Variants in RTTN observed in about 807,000 individuals in gnomAD.
The protein encoded by RTTN is rotatin.
RTTN carries 182 observed loss-of-function variants against 269.2 expected under a neutral mutation model. The observed-to-expected ratio is 0.68, with a 90% CI of 0.60 to 0.76. The LOEUF is 0.76. Among genes scored for constraint, RTTN ranks in the 30% least tolerant of loss-of-function variants. The pLI, the probability that RTTN is intolerant of heterozygous loss-of-function variation, is 0.00. For missense variants in RTTN, 2,545 were observed against 2,608.6 expected, an observed-to-expected ratio of 0.98 and a Z score of 0.53; for synonymous variants, 1,006 against 963.5, an observed-to-expected ratio of 1.04 and a Z score of -0.82.
At chr18:70,065,291 A>G (rs2058102187) in intron 35 of RTTN, among the ~76,000 whole-genome samples, 1 of 142,664 alleles carries the variant, frequency 7.0e-6, no homozygotes, top group Non-Finnish European at 1.6e-5. Flanking sequence ...AAAAAAAGCA[A>G]AGTTGCAAAT....
Position 70,196,510 on chromosome 18 carries a change from T to G in RTTN, c.832A>C (p.Asn278His). 3 of 1,609,710 alleles carry G rather than the reference T, an allele frequency of 1.9e-6. No individual in the cohort carries two copies. Among genetic ancestry groups the G allele is most frequent in the Non-Finnish European group, 2.5e-6 (3 of 1,178,920 alleles). Reference sequence around the variant, plus strand: ...AGATAAAAATAAATACCGTGTTTATTGGAGAAAAAACCTGGATCTCGGTGA... The same window carrying G: ...AGATAAAAATAAATACCGTGTTTATGGGAGAAAAAACCTGGATCTCGGTGA... ...NFHRDPGFFS[N>H]KHDTVSQNSS... The change falls in exon 7 of 49, where the codon AAT becomes CAT. Residue 278 changes from asparagine (N) to histidine (H), a missense_variant. Asn to His is a moderately conservative substitution (Grantham distance 68, BLOSUM62 1). Transcript: ENST00000640769.
At chr18:70,179,924 T>C (rs1054076938) in intron 10 of RTTN, among the ~76,000 whole-genome samples, 9 of 152,092 alleles carry the variant, frequency 5.9e-5, no homozygotes, top group African/African-American at 2.2e-4. Flanking sequence ...AAGGCAGGAC[T>C]ACTCAGCATC....
chr18:70,005,495 ATT>A (rs2056156633), intron 47 of RTTN: 1 of 375,200 alleles, frequency 2.7e-6, no homozygotes, highest in Non-Finnish European at 4.7e-6. Flanking sequence ...CTCTATTCCC[ATT>A]TTCTTTCTTC....
chr18:70,127,383 T>A, intron 25 of RTTN, 119 bp downstream of exon 25: 2 of 1,199,594 alleles, frequency 1.7e-6, no homozygotes, highest in South Asian at 4.9e-5. Flanking sequence ...AATCCTGGAG[T>A]TTTTCTTTCT....
At chr18:70,112,219 C>T (rs2059486681) in intron 27 of RTTN, among the ~76,000 whole-genome samples, 1 of 152,154 alleles carries the variant, frequency 6.6e-6, no homozygotes, top group Non-Finnish European at 1.5e-5. Flanking sequence ...TTGTAAAGAA[C>T]ATCGACGCTA....
At chr18:70,135,035 T>G (rs2060090570) in intron 22 of RTTN, 149 bp downstream of exon 22, 1 of 467,880 alleles carries the variant, frequency 2.1e-6, no homozygotes, top group Non-Finnish European at 3.8e-6. Flanking sequence ...TGAATACTGT[T>G]TATTCAAATC....
At position 70,175,372 on chromosome 18, in the gene RTTN, C is replaced by T. The variant is rs146431947; in HGVS notation, c.1476+1303G>A. ...TTTGTGAAAGACACCTAAAGCAACA[C>T]GTTAATTAAAAAAACAACTTTCAAA... On this transcript the variant is annotated intron_variant, in intron 11 of 48. Transcript: ENST00000640769. 4.5e-3 allele frequency among the ~76,000 whole-genome samples: 690 copies of T among 151,862 alleles called. 4 individuals carry two copies. The highest frequency in any genetic ancestry group is 0.016 in the African/African-American group (657 of 41,410).
chr18:70,163,150 G>A (rs1271985687), intron 14 of RTTN, among the ~76,000 whole-genome samples: 2 of 145,410 alleles, frequency 1.4e-5, no homozygotes, highest in Non-Finnish European at 3.0e-5. Context: ...TTGGGAGGCC[G>A]AGGTGGGTGG....
At chr18:70,036,581 A>T (rs1247168577) in intron 40 of RTTN, among the ~76,000 whole-genome samples, 2 of 152,144 alleles carry the variant, frequency 1.3e-5, no homozygotes, top group African/African-American at 2.4e-5. Context: ...ATCAGAAAAA[A>T]TAACTATTGG....
At chr18:70,043,723 C>T (rs978204469) in intron 40 of RTTN, among the ~76,000 whole-genome samples, 8 of 152,160 alleles carry the variant, frequency 5.3e-5, no homozygotes, top group African/African-American at 1.9e-4. Flanking sequence ...CAAAACCAAA[C>T]AGACAAAAAG....
At chr18:70,057,568 C>T (rs752186496) in intron 37 of RTTN, among the ~76,000 whole-genome samples, 174 bp downstream of exon 37, 1 of 152,232 alleles carries the variant, frequency 6.6e-6, no homozygotes, top group South Asian at 2.1e-4. Flanking sequence ...TCTTTTCTAA[C>T]ATCCAGACAT....
At position 70,077,861 on chromosome 18, in the gene RTTN, T is replaced by C. The variant is rs2058468147; in HGVS notation, c.4375-2320A>G. 2.0e-5 allele frequency among the ~76,000 whole-genome samples: 3 copies of C among 151,784 alleles called. 1 individual carries two copies. In the South Asian group the frequency reaches 6.2e-4, roughly 31 times the overall value. ...TAATTTAGCTTATGAACAAAAAATT[T>C]AATATCATAGAAAATAGTGCAAAAA... On this transcript the variant is annotated intron_variant, in intron 32 of 48. Coordinates refer to ENST00000640769, the MANE Select transcript of RTTN (RefSeq NM_173630.4).
At chr18:70,123,536 C>G (rs1370417515) in intron 25 of RTTN, among the ~76,000 whole-genome samples, 2 of 152,070 alleles carry the variant, frequency 1.3e-5, no homozygotes, top group Non-Finnish European at 2.9e-5. Flanking sequence ...TACTCTACTT[C>G]TTTGAATTCG....
chr18:70,165,998 G>T (rs962937288), intron 14 of RTTN, 64 bp downstream of exon 14: 10 of 1,515,480 alleles, frequency 6.6e-6, no homozygotes, highest in East Asian at 2.3e-5. Context: ...TAAGTTTGAA[G>T]GTATAACAAG....
Position 70,030,940 on chromosome 18 carries a change from T to A in RTTN, c.5583A>T (p.Val1861=), listed in dbSNP as rs181821833. 27 of 1,613,738 alleles carry A rather than the reference T, an allele frequency of 1.7e-5. No homozygotes were observed. In the African/African-American group the frequency reaches 3.3e-4, roughly 20 times the overall value. The change falls in exon 41 of 49, where the codon GTA becomes GTT. Residue 1861 remains valine (V), a synonymous_variant. Coordinates refer to ENST00000640769, the MANE Select transcript of RTTN (RefSeq NM_173630.4). ...GCAGTGACATCAATGCATTTGCAGC[T>A]ACTCTTTTCAGGATATCTTTGGAGG... ...GKSSKDILKR[V]AANALMSLLA... is the part of the protein sequence containing the mutation.
Position 70,086,691 on chromosome 18 carries a change from A to T in RTTN, c.4303-7T>A. On this transcript the variant is annotated splice_region_variant and splice_polypyrimidine_tract_variant and intron_variant, in intron 31 of 48. Transcript: ENST00000640769. ...TCTGAAGAATAAATGCCGCCTGAAA[A>T]TGTAAAAAAAAAAAAAAAAAAAAAA... 8.3e-7 allele frequency: 1 copy of T among 1,212,082 alleles called. No homozygotes were observed. The highest frequency in any genetic ancestry group is 1.1e-6 in the Non-Finnish European group (1 of 874,488). 75.1% of individuals were successfully genotyped at this position (1,212,082 alleles called of 1,614,324 possible).
chr18:70,104,692 T>G (rs1431652445), intron 28 of RTTN, among the ~76,000 whole-genome samples: 1 of 152,234 alleles, frequency 6.6e-6, no homozygotes, highest in Non-Finnish European at 1.5e-5. Context: ...ATGTCCTTTC[T>G]GTTTGTTAGT....
chr18:70,097,155 A>G (rs1177331543), intron 28 of RTTN, among the ~76,000 whole-genome samples: 1 of 152,212 alleles, frequency 6.6e-6, no homozygotes, highest in East Asian at 1.9e-4. Flanking sequence ...TTTAATTATC[A>G]TAGTTTATTC....
At chr18:70,063,063 A>G (rs1283921936) in intron 35 of RTTN, among the ~76,000 whole-genome samples, 1 of 152,222 alleles carries the variant, frequency 6.6e-6, no homozygotes, top group East Asian at 1.9e-4. Flanking sequence ...AATGCTTGCT[A>G]AATTATCAAG....
Sources: allele counts gnomAD v4.1 joint callset (sites outside exome capture counted in the v4.1 genomes callset), GRCh38; gene constraint gnomAD v4.1.1; transcripts MANE v1.5; gene names NCBI Gene and HGNC (gene_info 2026-07-23, HGNC 2026-07-21).